Variants in TMEM130 observed in about 807,000 individuals in gnomAD.
TMEM130 encodes transmembrane protein 130.
In TMEM130, 37 loss-of-function variants were observed where a neutral mutation model predicts 42.9. The ratio of observed to expected loss-of-function variants is 0.86; its 90% CI spans 0.66 to 1.13. The LOEUF (loss-of-function observed/expected upper bound fraction) is 1.13. TMEM130 is among the 50% of genes most tolerant of loss of function. The probability of loss-of-function intolerance (pLI) is 0.00; values close to 1 mark genes in which losing one functional copy is unlikely to be tolerated. For missense variants in TMEM130, 545 were observed against 562.6 expected (o/e 0.97, Z 0.32); for synonymous variants, 259 against 237.7 (o/e 1.09, Z -0.82).
chr7:98,866,774 C>T (rs1554400683), intron 1 of TMEM130: 1 of 152,196 alleles, frequency 6.6e-6, no homozygotes, highest in Non-Finnish European at 1.5e-5. Flanking sequence ...TCACGTATTT[C>T]CTTTTTTTTC....
Position 98,869,839 on chromosome 7 carries a change from C to G in TMEM130, c.23G>C (p.Arg8Pro), listed in dbSNP as rs201763115. Reference sequence around the variant, plus strand: ...GGCAAGCCAGAGGATGCGGCCGAGGCGCGACCACACTGCCTGGGCCATTGC... The same window carrying G: ...GGCAAGCCAGAGGATGCGGCCGAGGGGCGACCACACTGCCTGGGCCATTGC... MAQAVWS[R>P]LGRILWLACL... The change falls in exon 1 of 8, where the codon CGC becomes CCC. Residue 8 changes from arginine to proline, a missense_variant. By Grantham distance (103) the Arg-to-Pro change is moderately radical (BLOSUM62 -2). Coordinates refer to ENST00000339375, the MANE Select transcript of TMEM130 (RefSeq NM_152913.3). The surrounding 1 kb of genome is among the most constrained non-coding windows in gnomAD (Gnocchi z 4.7). 2 of 1,443,204 alleles carry G rather than the reference C, an allele frequency of 1.4e-6. No homozygotes were observed. The highest frequency in any genetic ancestry group is 1.5e-5 in the African/African-American group (1 of 67,820). The allele number at this position is 1,443,204 out of a possible 1,614,324, so 89.4% of individuals were successfully genotyped here.
intron 5 of TMEM130, among the ~76,000 whole-genome samples, chr7:98,852,256 A>G (rs1794527351): frequency 6.6e-6 from 1 of 151,908 alleles, no homozygotes; most frequent in Admixed American, 6.6e-5. Flanking sequence ...CAGCCTCCCA[A>G]GTAACTGGGA....
intron 6 of TMEM130, among the ~76,000 whole-genome samples, chr7:98,851,193 T>C (rs1313394791): frequency 6.6e-6 from 1 of 152,092 alleles, no homozygotes; most frequent in Non-Finnish European, 1.5e-5. Context: ...ACAGAGTTGG[T>C]TGCTGGTGGG....
chr7:98,863,432 G>C, intron 1 of TMEM130, 32 bp from the exon 2 acceptor site: 1 of 1,535,552 alleles, frequency 6.5e-7, no homozygotes, highest in Middle Eastern at 1.7e-4. Flanking sequence ...CTGTGTTTCA[G>C]AATGGTGTGT....
At chr7:98,851,119 G>A (rs1554398130) in intron 6 of TMEM130, among the ~76,000 whole-genome samples, 1 of 152,154 alleles carries the variant, frequency 6.6e-6, no homozygotes, top group African/African-American at 2.4e-5. Context: ...GTTGGTTACA[G>A]TTGTTAGTGG....
chr7:98,848,268 GTC>G, intron 7 of TMEM130, 60 bp from the exon 8 acceptor site: 1 of 1,603,480 alleles, frequency 6.2e-7, no homozygotes, highest in South Asian at 1.1e-5. Flanking sequence ...AATCCCACGG[GTC>G]AATCACCCAC....
At chr7:98,861,338 A>G (rs1166107201) in intron 2 of TMEM130, among the ~76,000 whole-genome samples, 3 of 152,118 alleles carry the variant, frequency 2.0e-5, no homozygotes, top group Non-Finnish European at 4.4e-5. Context: ...ACTCCGTCTC[A>G]AAAAGAAAAA....
intron 1 of TMEM130, among the ~76,000 whole-genome samples, chr7:98,868,720 A>G (rs1478157613): frequency 1.3e-5 from 2 of 152,192 alleles, no homozygotes; most frequent in Non-Finnish European, 1.5e-5. Context: ...CTAGAATGGG[A>G]ACCACACATG....
chr7:98,848,074 G>C lies in TMEM130; in HGVS notation c.1254C>G (p.Val418=). 1 of 1,613,922 alleles carries C rather than the reference G, an allele frequency of 6.2e-7. No homozygotes were observed. Among genetic ancestry groups the C allele is most frequent in the Non-Finnish European group, 8.5e-7 (1 of 1,179,942 alleles). Residue 418 remains valine, a synonymous_variant, in exon 8 of 8, where the codon GTC becomes GTG. Coordinates refer to ENST00000339375, the MANE Select transcript of TMEM130 (RefSeq NM_152913.3). ...GGAGTGCTCACACGGTGTAAGTTTTGACAGACTTATAGAGGGGCGGGAGCA... is the reference window on the plus strand; with the variant it reads ...GGAGTGCTCACACGGTGTAAGTTTTCACAGACTTATAGAGGGGCGGGAGCA... ...HGLLPPLYKS[V]KTYTV
intron 5 of TMEM130, 134 bp downstream of exon 5, chr7:98,855,106 G>C: frequency 1.7e-6 from 1 of 594,276 alleles, no homozygotes; most frequent in South Asian, 3.2e-5. Flanking sequence ...CCAGCCTCAA[G>C]ACAAAGTGGC....
Position 98,863,258 on chromosome 7 carries a change from G to A in TMEM130, c.228C>T (p.His76=). 1 of 1,614,040 alleles carries A rather than the reference G, an allele frequency of 6.2e-7. No homozygotes were observed. Among genetic ancestry groups the A allele is most frequent in the Non-Finnish European group, 8.5e-7 (1 of 1,180,030 alleles). Residue 76 remains histidine, a synonymous_variant, in exon 2 of 8, where the codon CAC becomes CAT. Coordinates refer to ENST00000339375, the MANE Select transcript of TMEM130 (RefSeq NM_152913.3). ...DAHLYRFHWI[H]TPLVLTGKME... ...TCTTGCCAGTAAGCACCAGCGGGGTGTGGATCCAGTGGAAGCGGTAGAGGT... is the reference window on the plus strand; with the variant it reads ...TCTTGCCAGTAAGCACCAGCGGGGTATGGATCCAGTGGAAGCGGTAGAGGT...
chr7:98,856,284 G>A (rs1162182976), intron 3 of TMEM130, 101 bp from the exon 4 acceptor site: 7 of 1,208,510 alleles, frequency 5.8e-6, no homozygotes, highest in Non-Finnish European at 8.2e-6. Context: ...AGTCAGGGGA[G>A]GCTGTACAGT....
chr7:98,865,093 G>T (rs1403941817), intron 1 of TMEM130, among the ~76,000 whole-genome samples: 1 of 152,188 alleles, frequency 6.6e-6, no homozygotes, highest in Non-Finnish European at 1.5e-5. Context: ...ACAACGCTTG[G>T]CACATAGCAG....
At chr7:98,855,927 CGT>C in intron 4 of TMEM130, 88 bp downstream of exon 4, 1 of 1,435,300 alleles carries the variant, frequency 7.0e-7, no homozygotes, top group Admixed American at 2.2e-5. Context: ...GAAGACAGGG[CGT>C]GAGTCCAGCC....
At chr7:98,865,043 G>A (rs1376597244) in intron 1 of TMEM130, among the ~76,000 whole-genome samples, 2 of 152,340 alleles carry the variant, frequency 1.3e-5, no homozygotes, top group African/African-American at 4.8e-5. Context: ...CTTCAAACTC[G>A]TTTAGAGCAG....
chr7:98,848,563 C>T lies in TMEM130; in HGVS notation c.1119+20G>A, dbSNP rs782168606. 3.3e-6 allele frequency: 5 copies of T among 1,538,056 alleles called. No individual in the cohort carries two copies. Among genetic ancestry groups the T allele is most frequent in the Non-Finnish European group, 2.7e-6 (3 of 1,110,618 alleles). ...TAGGCAAGGCCCAGTAGTCCAGCCC[C>T]CACCCCACTGAGTACCCACCTCCAC... is the stretch of plus-strand genomic sequence containing the variant. On this transcript the variant is annotated intron_variant, in intron 7 of 7. Coordinates refer to ENST00000339375, the MANE Select transcript of TMEM130 (RefSeq NM_152913.3).
At chr7:98,848,858 C>T (rs1466113561) in intron 6 of TMEM130, among the ~76,000 whole-genome samples, 163 bp from the exon 7 acceptor site, 4 of 152,204 alleles carry the variant, frequency 2.6e-5, no homozygotes, top group African/African-American at 9.6e-5. Context: ...TAGGTAAATC[C>T]AGGACTTCAC....
intron 2 of TMEM130, among the ~76,000 whole-genome samples, chr7:98,861,647 G>A (rs1478053620): frequency 3.3e-5 from 5 of 152,166 alleles, no homozygotes; most frequent in African/African-American, 7.2e-5. Flanking sequence ...CTGGGAGGTG[G>A]AGGTTGCAGT....
chr7:98,854,050 T>G (rs554099863), intron 5 of TMEM130, among the ~76,000 whole-genome samples: 1 of 150,536 alleles, frequency 6.6e-6, no homozygotes, highest in East Asian at 1.9e-4. Context: ...TTGTTTTTTT[T>G]TTTTTTGGAC....
Sources: allele counts gnomAD v4.1 joint callset (sites outside exome capture counted in the v4.1 genomes callset), GRCh38; gene constraint gnomAD v4.1.1; non-coding constraint Gnocchi (gnomAD v3.1); transcripts MANE v1.5; gene names NCBI Gene and HGNC (gene_info 2026-07-23, HGNC 2026-07-21).